The following MVP variants were observed in gnomAD, a reference collection of about 807,000 sequenced individuals.
MVP encodes the protein lung resistance-related protein.
A neutral mutation model predicts 83.5 loss-of-function variants in MVP; 62 were observed. The observed-to-expected ratio is 0.74, with a 90% confidence interval of 0.61 to 0.92. MVP has a LOEUF of 0.92. MVP is among the 40% of genes least tolerant of loss of function. MVP has a pLI of 0.00. For missense variants in MVP, 1,000 were observed against 1,203.4 expected (o/e 0.83, Z 2.50); for synonymous variants, 505 against 504.1 (o/e 1.00, Z -0.02).
chr16:29,833,605 C>T (rs533658713), intron 3 of MVP, 128 bp from the exon 4 acceptor site: 148 of 1,302,940 alleles, frequency 1.1e-4, no homozygotes, highest in Non-Finnish European at 1.4e-4. Context: ...CCACTGTGCC[C>T]GGCCTCCACC....
chr16:29,844,663 C>G lies in MVP; in HGVS notation c.1805C>G (p.Ala602Gly), dbSNP rs1567396017. The G allele has an allele frequency of 1.2e-6, 2 of 1,614,158 alleles. No individual in the cohort carries two copies. The highest frequency in any genetic ancestry group is 8.5e-7 in the Non-Finnish European group (1 of 1,179,988). Residue 602 changes from alanine to glycine, a missense_variant, in exon 11 of 15, where the codon GCT becomes GGT. By Grantham distance (60) the Ala-to-Gly change is moderately conservative (BLOSUM62 0). Transcript: ENST00000357402. ...AACTCAGCCCGCATCATTCGCACTGCTGTCTTTGGCTTTGAGACCTCGGAA... is the reference window on the plus strand; with the variant it reads ...AACTCAGCCCGCATCATTCGCACTGGTGTCTTTGGCTTTGAGACCTCGGAA... Reference protein sequence around the residue: ...HKNSARIIRTAVFGFETSEAK... With the variant: ...HKNSARIIRTGVFGFETSEAK...
chr16:29,831,024 G>A lies in MVP; in HGVS notation c.272G>A (p.Arg91Gln), dbSNP rs137950833. The change falls in exon 3 of 15, where the codon CGG (arginine) becomes CAG (glutamine). Residue 91 changes from arginine (R) to glutamine (Q), a missense_variant. By Grantham distance (43) the Arg-to-Gln change is conservative. Transcript: ENST00000357402. Reference protein sequence around the residue: ...VRLRHADLEIRLAQDPFPLYP... With the variant: ...VRLRHADLEIQLAQDPFPLYP... ...CTTCGCCACGCTGACCTCGAGATCC[G>A]GCTGGCCCAGGACCCCTTCCCCCTG... The A allele has an allele frequency of 2.5e-5, 41 of 1,613,672 alleles. No homozygotes were observed. The highest frequency in any genetic ancestry group is 3.1e-5 in the Non-Finnish European group (36 of 1,179,996).
chr16:29,827,809 G>T (rs547276473), intron 1 of MVP, among the ~76,000 whole-genome samples: 4 of 151,522 alleles, frequency 2.6e-5, no homozygotes, highest in Non-Finnish European at 5.9e-5. Flanking sequence ...CCAGCTACTC[G>T]GGAGGCTGAG....
intron 7 of MVP, 30 bp downstream of exon 7, chr16:29,836,988 G>A (rs2067493389): frequency 1.3e-6 from 2 of 1,575,444 alleles, no homozygotes; most frequent in East Asian, 4.5e-5. Context: ...ACAGAGGACT[G>A]CCCTGGGAGA....
At chr16:29,846,520 G>A (rs1029869004) in intron 13 of MVP, among the ~76,000 whole-genome samples, 1 of 152,248 alleles carries the variant, frequency 6.6e-6, no homozygotes, top group Non-Finnish European at 1.5e-5. Context: ...CTTGGCACAA[G>A]TGCTGTGTAT....
At position 29,841,774 on chromosome 16, in the gene MVP, T is replaced by C. The variant is rs2067536975; in HGVS notation, c.1370T>C (p.Val457Ala). ...TTGGCGCCCCGGAACAAGACCCGTG[T>C]GGTCAGCTACCGCGTGCCCCACAAC... ...QPLAPRNKTRVVSYRVPHNAA... is the reference protein window; with the variant it reads ...QPLAPRNKTRAVSYRVPHNAA... Residue 457 changes from valine to alanine, a missense_variant, in exon 9 of 15, where the codon GTG (valine) becomes GCG (alanine). By Grantham distance (64) the Val-to-Ala change is moderately conservative. Transcript: ENST00000357402. The surrounding 1 kb of genome is among the most constrained non-coding windows in gnomAD (Gnocchi z 4.7). The C allele has an allele frequency of 1.2e-6, 2 of 1,613,634 alleles. No homozygotes were observed. Among genetic ancestry groups the C allele is most frequent in the Middle Eastern group, 3.3e-4 (2 of 6,062 alleles).
intron 11 of MVP, 52 bp from the exon 12 acceptor site, chr16:29,845,811 G>T: frequency 1.3e-6 from 2 of 1,563,494 alleles, no homozygotes. Flanking sequence ...TGGCGCTCCT[G>T]TTCCTGCTCT....
Position 29,847,319 on chromosome 16 carries a change from G to C in MVP, c.2388G>C (p.Lys796Asn), listed in dbSNP as rs573945680. 1.2e-6 allele frequency: 2 copies of C among 1,610,052 alleles called. No homozygotes were observed. Among genetic ancestry groups the C allele is most frequent in the East Asian group, 2.2e-5 (1 of 44,800 alleles). The change falls in exon 14 of 15, where the codon AAG becomes AAC. Residue 796 changes from lysine to asparagine, a missense_variant. Transcript: ENST00000357402. The stretch of plus-strand genomic sequence containing the variant: ...CTGAGGTGGAGGTGAAGAAGTTCAA[G>C]CAGATGACAGAGGCCATAGGCCCCA... ...QLAEVEVKKFKQMTEAIGPST... is the reference protein window; with the variant it reads ...QLAEVEVKKFNQMTEAIGPST...
At position 29,830,674 on chromosome 16, in the gene MVP, G is replaced by A. The variant is rs2067434527; in HGVS notation, c.125G>A (p.Arg42Lys). The A allele has an allele frequency of 6.2e-7, 1 of 1,613,958 alleles. No individual in the cohort carries two copies. The highest frequency in any genetic ancestry group is 8.5e-7 in the Non-Finnish European group (1 of 1,179,946). ...ACCTACATCCGGCAGGACAATGAGAGGTGGGTGTGGGGGCTGGGCTGTGGG... is the reference window on the plus strand; with the variant it reads ...ACCTACATCCGGCAGGACAATGAGAAGTGGGTGTGGGGGCTGGGCTGTGGG... ...PKTYIRQDNE[R>K]VLFAPMRMVT... Residue 42 changes from arginine to lysine, a missense_variant and splice_region_variant, in exon 2 of 15, where the codon AGG becomes AAG. Arg to Lys is a conservative substitution (Grantham distance 26, BLOSUM62 2). Transcript: ENST00000357402.
chr16:29,835,914 CT>C, intron 6 of MVP, 116 bp downstream of exon 6: 1 of 845,004 alleles, frequency 1.2e-6, no homozygotes, highest in Non-Finnish European at 1.9e-6. Flanking sequence ...TTTAGGGTCA[CT>C]TAAAAAAATT....
chr16:29,824,715 T>C (rs922001113), intron 1 of MVP, among the ~76,000 whole-genome samples: 1 of 152,144 alleles, frequency 6.6e-6, no homozygotes, highest in African/African-American at 2.4e-5. Context: ...TGAGCCGAGA[T>C]TGTGCCACTT....
intron 7 of MVP, among the ~76,000 whole-genome samples, chr16:29,838,286 A>G (rs1023424246): frequency 3.3e-5 from 5 of 152,098 alleles, no homozygotes; most frequent in African/African-American, 9.7e-5. Flanking sequence ...ATACAAAAAA[A>G]TTAGCTGGGC....
Position 29,830,278 on chromosome 16 carries a change from C to T in MVP, c.-35-237C>T, listed in dbSNP as rs2067431381. ...AAAGGAATTGGCAAGGAACCCTGGG[C>T]CTCTGTGGCTCACTGCATCAAGCAG... On this transcript the variant is annotated intron_variant, in intron 1 of 14. Coordinates refer to ENST00000357402, the MANE Select transcript of MVP (RefSeq NM_005115.5). 4 of 330,718 alleles carry T rather than the reference C, an allele frequency of 1.2e-5. No homozygotes were observed. The South Asian group carries it at 1.4e-4, about 11-fold the overall frequency. The allele number at this position is 330,718 out of a possible 1,614,324, so 20.5% of individuals were successfully genotyped here.
intron 5 of MVP, 103 bp downstream of exon 5, chr16:29,834,169 C>T (rs1014549241): frequency 4.2e-5 from 62 of 1,472,506 alleles, no homozygotes; most frequent in Non-Finnish European, 4.9e-5. Context: ...CCCAGAGAGG[C>T]GCTTTCCTGG....
At chr16:29,826,203 A>T (rs1016253973) in intron 1 of MVP, 10 of 152,276 alleles carry the variant, frequency 6.6e-5, no homozygotes, top group African/African-American at 2.2e-4. Flanking sequence ...ATGAAGAGCC[A>T]GGCTCTGTTC....
chr16:29,840,454 G>A lies in MVP; in HGVS notation c.1186G>A (p.Gly396Arg), dbSNP rs753931360. The A allele has an allele frequency of 1.9e-6, 3 of 1,567,706 alleles. No homozygotes were observed. Among genetic ancestry groups the A allele is most frequent in the Non-Finnish European group, 1.7e-6 (2 of 1,155,786 alleles). The change falls in exon 8 of 15, where the codon GGA becomes AGA. Residue 396 changes from glycine to arginine, a missense_variant. Physicochemically the swap from Gly to Arg is moderately radical, Grantham distance 125. Coordinates refer to ENST00000357402, the MANE Select transcript of MVP (RefSeq NM_005115.5). ...CATCTATGTGCAGGATGTCAAGACC[G>A]GAAAGGTAATGGCTGGGAGTGAGCA... ...EGIYVQDVKT[G>R]KVRAVIGSTY...
chr16:29,847,547 C>T (rs1454866764), intron 14 of MVP, among the ~76,000 whole-genome samples, 162 bp downstream of exon 14: 4 of 152,098 alleles, frequency 2.6e-5, no homozygotes, highest in Non-Finnish European at 4.4e-5. Flanking sequence ...GCTGCATCAA[C>T]GTCAGGCACT....
chr16:29,832,422 C>T (rs920968905), intron 3 of MVP, among the ~76,000 whole-genome samples: 1 of 150,444 alleles, frequency 6.6e-6, no homozygotes, highest in East Asian at 2.0e-4. Context: ...CTCAGCCTCC[C>T]GAGTAGCTGG....
rs766031664 is a variant in MVP at position 29,847,199 on chromosome 16, G to T, written c.2268G>T (p.Glu756Asp). 6.2e-7 allele frequency: 1 copy of T among 1,612,968 alleles called. No individual in the cohort carries two copies. Among genetic ancestry groups the T allele is most frequent in the Admixed American group, 1.7e-5 (1 of 59,940 alleles). The change falls in exon 14 of 15, where the codon GAG becomes GAT. Residue 756 changes from glutamate (E) to aspartate (D), a missense_variant and splice_region_variant. By Grantham distance (45) the Glu-to-Asp change is conservative (BLOSUM62 2). Transcript: ENST00000357402. ...ATGATTGATTTTTCCTCTTCCAGGA[G>T]GCTGAGCTCCAGAGGGTCCAGAAGG... is the stretch of plus-strand genomic sequence containing the variant. Reference protein sequence around the residue: ...LKAQALAIETEAELQRVQKVR... With the variant: ...LKAQALAIETDAELQRVQKVR...
Sources: gnomAD v4.1 joint callset for allele counts (sites outside exome capture counted in the v4.1 genomes callset) on GRCh38, gnomAD v4.1.1 for gene constraint, Gnocchi (gnomAD v3.1) non-coding constraint, MANE v1.5 for transcripts, NCBI Gene and HGNC (gene_info 2026-07-23, HGNC 2026-07-21) for gene names.